GSE1: variants seen among roughly 807,000 people sequenced by gnomAD.
The protein encoded by GSE1 is genetic suppressor element 1.
GSE1 carries 32 observed loss-of-function variants against 112.6 expected under a neutral mutation model. The observed-to-expected ratio is 0.28, with a 90% CI of 0.21 to 0.38. GSE1 has a LOEUF of 0.38. Ranked by LOEUF, GSE1 falls within the 10% of genes least tolerant of loss-of-function variation. The pLI, the probability that GSE1 is intolerant of heterozygous loss-of-function variation, is 1.00. For missense variants in GSE1, 2,348 were observed against 1,699.2 expected, an observed-to-expected ratio of 1.38 and a Z score of -6.71; for synonymous variants, 1,115 against 735.6, an observed-to-expected ratio of 1.52 and a Z score of -8.35.
chr16:85,176,426 C>A (rs1035610187), intron 1 of GSE1, among the ~76,000 whole-genome samples: 2 of 152,242 alleles, frequency 1.3e-5, no homozygotes, highest in African/African-American at 4.8e-5. Flanking sequence ...CTTGGCTGCA[C>A]CCCTGAGTTT....
chr16:85,483,009 C>T (rs141162338), intron 2 of GSE1, among the ~76,000 whole-genome samples: 1 of 148,006 alleles, frequency 6.8e-6, no homozygotes, highest in African/African-American at 2.7e-5. Flanking sequence ...ACCAAACTCT[C>T]TGTGTAGCAG....
chr16:85,378,340 G>C (rs1196582559), intron 2 of GSE1, among the ~76,000 whole-genome samples: 1 of 152,192 alleles, frequency 6.6e-6, no homozygotes, highest in Non-Finnish European at 1.5e-5. Context: ...GCTTGGGGCA[G>C]CCTCCTGGGG....
At chr16:85,274,684 C>G (rs780881336) in intron 1 of GSE1, among the ~76,000 whole-genome samples, 4 of 152,202 alleles carry the variant, frequency 2.6e-5, no homozygotes, top group African/African-American at 4.8e-5. Context: ...GGCTTAGGTG[C>G]CTGTCCCCCT....
chr16:85,309,972 C>T (rs1258196979), intron 1 of GSE1, among the ~76,000 whole-genome samples: 2 of 152,240 alleles, frequency 1.3e-5, no homozygotes, highest in Non-Finnish European at 2.9e-5. Context: ...GGCGGGGTCA[C>T]GGCTGTGCTT....
At chr16:85,450,579 G>T (rs1043084644) in intron 2 of GSE1, among the ~76,000 whole-genome samples, 10 of 151,886 alleles carry the variant, frequency 6.6e-5, no homozygotes, top group African/African-American at 2.2e-4. Flanking sequence ...CTCCCAAGTA[G>T]CTGGGATTAC....
At chr16:85,599,772 T>G (rs2047382571) in intron 1 of GSE1, among the ~76,000 whole-genome samples, 1 of 152,142 alleles carries the variant, frequency 6.6e-6, no homozygotes, top group African/African-American at 2.4e-5. Flanking sequence ...CACGGTGGTG[T>G]GCGTGTCGCC....
chr16:85,645,894 A>G (rs1441485074), intron 2 of GSE1, among the ~76,000 whole-genome samples: 1 of 115,272 alleles, frequency 8.7e-6, no homozygotes, highest in Non-Finnish European at 1.7e-5. Flanking sequence ...GCATTCTACC[A>G]TGCTTCTACC....
In GSE1 at chr16:85,673,801, CT is replaced by C. The variant is rs2152038224; in HGVS notation, c.*1266del. The C allele has an allele frequency of 6.6e-6, 1 of 152,242 alleles. No individual in the cohort carries two copies. Among genetic ancestry groups the C allele is most frequent in the Non-Finnish European group, 1.5e-5 (1 of 68,016 alleles). The allele number at this position is 152,242 out of a possible 1,614,324, so 9.4% of individuals were successfully genotyped here. ...AGTCATGTGCACACATGGGCGGGGG[CT>C]TTTAAAAACCTTTCAGGAAGTCAAT... On this transcript the variant is annotated 3_prime_UTR_variant, in exon 16 of 16. Coordinates refer to ENST00000253458, the MANE Select transcript of GSE1 (RefSeq NM_014615.5).
chr16:85,278,367 G>A (rs936224785), intron 1 of GSE1, among the ~76,000 whole-genome samples: 1 of 152,216 alleles, frequency 6.6e-6, no homozygotes, highest in Non-Finnish European at 1.5e-5. Flanking sequence ...TTACTGAGCA[G>A]TGCTTTGCTT....
At chr16:85,644,626 C>T (rs973761208) in intron 2 of GSE1, among the ~76,000 whole-genome samples, 22 of 152,110 alleles carry the variant, frequency 1.4e-4, no homozygotes, top group African/African-American at 4.8e-4. Flanking sequence ...TCTTTAGAGA[C>T]GGAGAGCCAA....
At chr16:85,589,601 C>T (rs774194670) in intron 1 of GSE1, among the ~76,000 whole-genome samples, 14 of 152,036 alleles carry the variant, frequency 9.2e-5, no homozygotes, top group African/African-American at 9.7e-5. Context: ...ATGTGTGACC[C>T]AGTGTGTGTG....
At chr16:85,662,209 G>C (rs1049248979) in intron 9 of GSE1, 14 of 167,530 alleles carry the variant, frequency 8.4e-5, no homozygotes, top group Admixed American at 4.7e-4. Context: ...CACTGCCCCG[G>C]GTCAGGGTAG....
At chr16:85,384,860 T>C (rs2047650855) in intron 2 of GSE1, among the ~76,000 whole-genome samples, 2 of 152,208 alleles carry the variant, frequency 1.3e-5, no homozygotes, top group Non-Finnish European at 2.9e-5. Context: ...CCTGTCCGAG[T>C]CTTGCTGGGC....
chr16:85,656,759 A>C (rs781244599), intron 7 of GSE1, 94 bp downstream of exon 7: 1 of 1,423,526 alleles, frequency 7.0e-7, no homozygotes, highest in African/African-American at 1.4e-5. Context: ...CCGTGGTGTA[A>C]ATGTTCCCCA....
At chr16:85,573,797 G>A (rs1254788505) in intron 1 of GSE1, among the ~76,000 whole-genome samples, 1 of 152,218 alleles carries the variant, frequency 6.6e-6, no homozygotes, top group African/African-American at 2.4e-5. Context: ...GCCTCAGATT[G>A]GAGTTATTGT....
intron 1 of GSE1, among the ~76,000 whole-genome samples, chr16:85,238,301 C>T (rs1162995745): frequency 6.6e-6 from 1 of 152,232 alleles, no homozygotes; most frequent in Non-Finnish European, 1.5e-5. Context: ...CCTCCTTCTC[C>T]CTCAGTGCCT....
chr16:85,552,064 C>T (rs1251857090), upstream of GSE1, among the ~76,000 whole-genome samples: 1 of 151,012 alleles, frequency 6.6e-6, no homozygotes, highest in African/African-American at 2.4e-5. Context: ...CTCGCTCTGT[C>T]GCCCAGGCTG....
At chr16:85,384,333 C>T (rs551505577) in intron 2 of GSE1, among the ~76,000 whole-genome samples, 32 of 152,338 alleles carry the variant, frequency 2.1e-4, no homozygotes, top group Middle Eastern at 6.8e-3. Context: ...CCCCCTTGCC[C>T]ATAGCGTGGC....
intron 1 of GSE1, among the ~76,000 whole-genome samples, chr16:85,250,614 A>G (rs997713395): frequency 1.3e-5 from 2 of 152,244 alleles, no homozygotes; most frequent in African/African-American, 4.8e-5. Context: ...TGTATGAAAA[A>G]TGGCATTTTG....
Sources: gnomAD v4.1 joint callset for allele counts (sites outside exome capture counted in the v4.1 genomes callset) on GRCh38, gnomAD v4.1.1 for gene constraint, MANE v1.5 for transcripts, NCBI Gene and HGNC (gene_info 2026-07-23, HGNC 2026-07-21) for gene names.